The following INIP variants were observed in gnomAD, a reference collection of about 807,000 sequenced individuals.
INIP encodes the protein INTS3 and NABP interacting protein.
In INIP, 9 loss-of-function variants were observed where a neutral mutation model predicts 14.0. The observed-to-expected ratio is 0.64, with a 90% CI of 0.39 to 1.12. The LOEUF (loss-of-function observed/expected upper bound fraction) is 1.12. INIP is among the 50% of genes most tolerant of loss of function. The pLI is 0.01. For missense variants in INIP, 78 were observed against 122.7 expected (o/e 0.64, Z 1.72); for synonymous variants, 37 against 41.5 (o/e 0.89, Z 0.41).
At chr9:112,717,009 A>C (rs1259229521) in intron 1 of INIP, among the ~76,000 whole-genome samples, 1 of 152,124 alleles carries the variant, frequency 6.6e-6, no homozygotes, top group Admixed American at 6.5e-5. Flanking sequence ...TGAAATGTAC[A>C]CAGACTGAAA....
rs76449736 is a variant in INIP at position 112,702,213 on chromosome 9, T to C, written c.26-7980A>G. 6.9e-3 allele frequency among the ~76,000 whole-genome samples: 1,053 copies of C among 152,302 alleles called. 17 individuals are homozygous for C. Among genetic ancestry groups the C allele is most frequent in the African/African-American group, 0.021 (889 of 41,548 alleles). On this transcript the variant is annotated intron_variant, in intron 2 of 4. Transcript: ENST00000374242. ...TTGTTTGCAGCAGTATCAATTTCCC[T>C]CAAGATTAACTTGTTCACACAAAAA... is the stretch of plus-strand genomic sequence containing the variant.
intron 3 of INIP, among the ~76,000 whole-genome samples, chr9:112,693,371 G>A (rs375537210): frequency 5.1e-4 from 77 of 152,306 alleles, no homozygotes; most frequent in African/African-American, 1.6e-3. Flanking sequence ...TCTTAGCCTA[G>A]GGACAGCAGC....
intron 1 of INIP, among the ~76,000 whole-genome samples, chr9:112,717,670 G>T (rs1016776198): frequency 6.6e-6 from 1 of 152,186 alleles, no homozygotes; most frequent in Non-Finnish European, 1.5e-5. Context: ...AACAGACACC[G>T]GTTTTTAGTA....
chr9:112,697,428 A>G (rs786977), intron 2 of INIP, among the ~76,000 whole-genome samples: 15,745 of 152,234 alleles, frequency 0.1, 1,007 homozygotes, highest in African/African-American at 0.17. Flanking sequence ...TCTACAAAAA[A>G]TTGAAATTAC....
At chr9:112,706,652 T>C (rs1838478294) in intron 2 of INIP, among the ~76,000 whole-genome samples, 1 of 152,240 alleles carries the variant, frequency 6.6e-6, no homozygotes, top group Non-Finnish European at 1.5e-5. Flanking sequence ...ACTCACTACA[T>C]GAGGGTTTCT....
In INIP at chr9:112,707,081, AC is replaced by A. The variant is rs76063667; in HGVS notation, c.25+9379del. 1.2e-3 allele frequency among the ~76,000 whole-genome samples: 177 copies of A among 151,896 alleles called. 4 individuals carry two copies. The East Asian group carries it at 0.032, about 27-fold the overall frequency. ...CATGCGTAATCATGCCAGCATAATT[AC>A]GCATTAGCCACCATGCCTGGCTAAT... is the stretch of plus-strand genomic sequence containing the variant. On this transcript the variant is annotated intron_variant, in intron 2 of 4. Transcript: ENST00000374242.
At chr9:112,694,288 AT>A in intron 2 of INIP, 55 bp from the exon 3 acceptor site, 1 of 1,035,212 alleles carries the variant, frequency 9.7e-7, no homozygotes. Context: ...AATCAGAAAC[AT>A]TTTAGACCTA....
chr9:112,707,201 A>G (rs919430160), intron 2 of INIP, among the ~76,000 whole-genome samples: 1 of 149,958 alleles, frequency 6.7e-6, no homozygotes, highest in Admixed American at 6.6e-5. Context: ...GGCCTCCCAA[A>G]GTGCTGGGAT....
At chr9:112,694,069 C>A (rs1179435100) in intron 3 of INIP, 62 bp downstream of exon 3, 3 of 1,116,598 alleles carry the variant, frequency 2.7e-6, no homozygotes, top group South Asian at 1.4e-5. Context: ...GGCGAGACTC[C>A]GTCTCAAAAC....
intron 1 of INIP, 34 bp from the exon 2 acceptor site, chr9:112,716,575 C>G (rs1838824525): frequency 9.4e-7 from 1 of 1,067,854 alleles, no homozygotes. Flanking sequence ...ATACAATGCA[C>G]CATATTTTAA....
At chr9:112,708,398 A>C (rs1040854393) in intron 2 of INIP, among the ~76,000 whole-genome samples, 2 of 152,236 alleles carry the variant, frequency 1.3e-5, no homozygotes, top group African/African-American at 4.8e-5. Flanking sequence ...AAAGAGCTAG[A>C]GATAATAAAA....
intron 3 of INIP, among the ~76,000 whole-genome samples, chr9:112,691,287 T>G (rs1194410541): frequency 6.6e-6 from 1 of 152,220 alleles, no homozygotes; most frequent in African/African-American, 2.4e-5. Flanking sequence ...GGTAAACAAC[T>G]GAAGTTCACA....
At chr9:112,709,805 C>G (rs1694951917) in intron 2 of INIP, among the ~76,000 whole-genome samples, 1 of 152,184 alleles carries the variant, frequency 6.6e-6, no homozygotes, top group Admixed American at 6.5e-5. Context: ...ATCCTATACT[C>G]TCTCCTAACT....
chr9:112,707,433 C>G (rs1214984929), intron 2 of INIP, among the ~76,000 whole-genome samples: 1 of 151,748 alleles, frequency 6.6e-6, no homozygotes, highest in Non-Finnish European at 1.5e-5. Context: ...TTCATAATCA[C>G]GTATGTTCTC....
At chr9:112,715,940 C>T (rs1302353728) in intron 2 of INIP, among the ~76,000 whole-genome samples, 2 of 152,074 alleles carry the variant, frequency 1.3e-5, no homozygotes, top group Non-Finnish European at 2.9e-5. Context: ...GTCACTTAGG[C>T]GATTGAAATT....
chr9:112,716,622 G>T, intron 1 of INIP, 81 bp from the exon 2 acceptor site: 1 of 738,534 alleles, frequency 1.4e-6, no homozygotes, highest in South Asian at 1.5e-5. Flanking sequence ...TCCTTACAAT[G>T]AAATGTTTGC....
chr9:112,700,633 A>G (rs1838265322), intron 2 of INIP, among the ~76,000 whole-genome samples: 1 of 150,406 alleles, frequency 6.6e-6, no homozygotes, highest in Non-Finnish European at 1.5e-5. Flanking sequence ...AAAACTGCCT[A>G]TATTTGACGA....
chr9:112,712,173 A>C (rs1838667882), intron 2 of INIP, among the ~76,000 whole-genome samples: 1 of 152,230 alleles, frequency 6.6e-6, no homozygotes, highest in African/African-American at 2.4e-5. Flanking sequence ...AGAAGGAATA[A>C]AGCCCAATTC....
At chr9:112,698,165 G>A (rs1272235492) in intron 2 of INIP, among the ~76,000 whole-genome samples, 5 of 151,970 alleles carry the variant, frequency 3.3e-5, no homozygotes, top group African/African-American at 4.8e-5. Flanking sequence ...TTAGCTGGGC[G>A]TGGTGGCGCG....
Sources: gnomAD v4.1 joint callset for allele counts (sites outside exome capture counted in the v4.1 genomes callset) on GRCh38, gnomAD v4.1.1 for gene constraint, MANE v1.5 for transcripts, NCBI Gene and HGNC (gene_info 2026-07-23, HGNC 2026-07-21) for gene names.